Variants in PTPRG observed in about 807,000 individuals in gnomAD.
The protein encoded by PTPRG is receptor-type tyrosine-protein phosphatase gamma.
Under a neutral mutation model 165.3 loss-of-function variants are expected in PTPRG, and 102 were observed. The observed-to-expected ratio is 0.62, with a 90% confidence interval of 0.53 to 0.73. The LOEUF is 0.73. Among genes scored for constraint, PTPRG ranks in the 30% least tolerant of loss-of-function variants. The probability of loss-of-function intolerance (pLI) is 0.00; values close to 1 mark genes in which losing one functional copy is unlikely to be tolerated. For synonymous variants in PTPRG, 675 were observed against 669.5 expected, an observed-to-expected ratio of 1.01 and a Z score of -0.13; for missense variants, 1,866 against 1,861.4, an observed-to-expected ratio of 1.00 and a Z score of -0.05.
intron 4 of PTPRG, among the ~76,000 whole-genome samples, chr3:62,004,095 T>C (rs1043152214): frequency 1.3e-5 from 2 of 152,184 alleles, no homozygotes; most frequent in African/African-American, 4.8e-5. Context: ...GTGTATCTGC[T>C]TAGAGCCAGG....
intron 4 of PTPRG, among the ~76,000 whole-genome samples, chr3:62,021,299 T>A (rs1223774992): frequency 6.6e-6 from 1 of 152,212 alleles, no homozygotes; most frequent in East Asian, 1.9e-4. Flanking sequence ...GCTACTTAGA[T>A]CATATATCTG....
At chr3:62,230,754 G>A (rs939706241) in intron 13 of PTPRG, among the ~76,000 whole-genome samples, 1 of 152,226 alleles carries the variant, frequency 6.6e-6, no homozygotes, top group African/African-American at 2.4e-5. Flanking sequence ...AAAGCATGGG[G>A]TAAAAGACAA....
intron 1 of PTPRG, among the ~76,000 whole-genome samples, chr3:61,574,920 A>G (rs1169572445): frequency 6.6e-6 from 1 of 152,168 alleles, no homozygotes; most frequent in African/African-American, 2.4e-5. Context: ...GCTTGCCAGA[A>G]TGAGAACTCA....
At chr3:62,201,393 A>C (rs1409753199) in intron 10 of PTPRG, 112 bp from the exon 11 acceptor site, 1 of 860,252 alleles carries the variant, frequency 1.2e-6, no homozygotes, top group Non-Finnish European at 1.7e-6. Context: ...CTACAGAATA[A>C]TATTTTGACA....
At chr3:61,984,967 G>T (rs1692573082) in intron 2 of PTPRG, among the ~76,000 whole-genome samples, 1 of 152,228 alleles carries the variant, frequency 6.6e-6, no homozygotes. Context: ...TTTTTGGAAA[G>T]AATACCACGG....
intron 3 of PTPRG, among the ~76,000 whole-genome samples, chr3:62,000,908 A>C (rs1393848581): frequency 6.6e-6 from 1 of 152,196 alleles, no homozygotes; most frequent in East Asian, 1.9e-4. Context: ...CCAGGTGTCA[A>C]AATAGCCCAG....
At chr3:62,036,273 C>A (rs1699932866) in intron 4 of PTPRG, among the ~76,000 whole-genome samples, 1 of 152,122 alleles carries the variant, frequency 6.6e-6, no homozygotes, top group Non-Finnish European at 1.5e-5. Flanking sequence ...TTTGGAATAT[C>A]TCAGAACTGC....
chr3:61,579,643 C>T (rs1323613136), intron 1 of PTPRG, among the ~76,000 whole-genome samples: 1 of 152,244 alleles, frequency 6.6e-6, no homozygotes, highest in Non-Finnish European at 1.5e-5. Context: ...AGCCAGTGCT[C>T]TTCTTTCTAA....
chr3:61,665,536 A>G (rs1189362544), intron 1 of PTPRG, among the ~76,000 whole-genome samples: 2 of 151,460 alleles, frequency 1.3e-5, no homozygotes, highest in Non-Finnish European at 2.9e-5. Context: ...TTGTTTTTCT[A>G]GGCTGGGTTC....
At chr3:61,894,910 A>G (rs1425215180) in intron 2 of PTPRG, among the ~76,000 whole-genome samples, 1 of 151,818 alleles carries the variant, frequency 6.6e-6, no homozygotes, top group Non-Finnish European at 1.5e-5. Context: ...CTCTGTCAGG[A>G]GTTTGAATCT....
chr3:61,821,558 A>G (rs1361623206), intron 2 of PTPRG, among the ~76,000 whole-genome samples: 1 of 152,202 alleles, frequency 6.6e-6, no homozygotes, highest in African/African-American at 2.4e-5. Context: ...TTCGTTTTGC[A>G]TGCCAGAGAA....
chr3:62,105,160 G>A (rs1702429605), intron 5 of PTPRG, among the ~76,000 whole-genome samples: 1 of 152,160 alleles, frequency 6.6e-6, no homozygotes, highest in Non-Finnish European at 1.5e-5. Context: ...GATGTTGGGG[G>A]AATGAAACAG....
intron 2 of PTPRG, among the ~76,000 whole-genome samples, chr3:61,969,300 A>G (rs2040336197): frequency 6.6e-6 from 1 of 152,210 alleles, no homozygotes; most frequent in Admixed American, 6.5e-5. Context: ...TGCAGAGCTC[A>G]GTACATGTAA....
intron 1 of PTPRG, chr3:61,739,331 A>G (rs1224366038): frequency 6.6e-6 from 1 of 152,186 alleles, no homozygotes; most frequent in Non-Finnish European, 1.5e-5. Flanking sequence ...ACATGATTTT[A>G]TCTTAGACAA....
intron 2 of PTPRG, among the ~76,000 whole-genome samples, chr3:61,914,445 A>G (rs185431429): frequency 6.6e-6 from 1 of 152,334 alleles, no homozygotes. Context: ...GCTCCTTGCC[A>G]TCTGGTAGTC....
intron 4 of PTPRG, among the ~76,000 whole-genome samples, chr3:62,052,650 G>A (rs528950953): frequency 6.6e-6 from 1 of 152,118 alleles, no homozygotes; most frequent in Admixed American, 6.5e-5. Context: ...AGCTGTGATT[G>A]TACCACTGCA....
intron 2 of PTPRG, among the ~76,000 whole-genome samples, chr3:61,827,374 C>G (rs1474183521): frequency 1.3e-5 from 2 of 152,220 alleles, no homozygotes; most frequent in Non-Finnish European, 2.9e-5. Flanking sequence ...TTCAATCTCA[C>G]TTCCAACCTT....
At chr3:62,063,653 C>T (rs1039839323) in intron 4 of PTPRG, among the ~76,000 whole-genome samples, 19 of 152,028 alleles carry the variant, frequency 1.2e-4, no homozygotes, top group African/African-American at 3.6e-4. Flanking sequence ...AACAGTACCT[C>T]GATTTTCATT....
chr3:61,620,469 C>T (rs1701419359), intron 1 of PTPRG, among the ~76,000 whole-genome samples: 3 of 149,462 alleles, frequency 2.0e-5, no homozygotes, highest in Non-Finnish European at 4.4e-5. Flanking sequence ...AATGGTCAAC[C>T]ATTATTTGCA....
Sources: allele counts gnomAD v4.1 joint callset (sites outside exome capture counted in the v4.1 genomes callset), GRCh38; gene constraint gnomAD v4.1.1; transcripts MANE v1.5; gene names NCBI Gene and HGNC (gene_info 2026-07-23, HGNC 2026-07-21).